ARHGAP12: variants seen among roughly 807,000 people sequenced by gnomAD.
The protein encoded by ARHGAP12 is rho GTPase-activating protein 12.
ARHGAP12 carries 64 observed loss-of-function variants against 108.6 expected under a neutral mutation model. The observed-to-expected ratio is 0.59, with a 90% CI of 0.48 to 0.73. ARHGAP12 has a LOEUF of 0.73. Ranked by LOEUF, ARHGAP12 falls within the 30% of genes least tolerant of loss-of-function variation. The probability of loss-of-function intolerance (pLI) is 0.00; values close to 1 mark genes in which losing one functional copy is unlikely to be tolerated. For synonymous variants in ARHGAP12, 312 were observed against 337.2 expected, an observed-to-expected ratio of 0.93 and a Z score of 0.82; for missense variants, 940 against 1,005.9, an observed-to-expected ratio of 0.93 and a Z score of 0.89.
Position 31,837,723 on chromosome 10 carries a change from G to GA in ARHGAP12, c.1386+1581dup, listed in dbSNP as rs895972102. ...GCACTAGGGAATGGAGAAAGAGTTA[G>GA]AAAAATGAAACAGTATCTGTGAAAA... On this transcript the variant is annotated intron_variant, in intron 9 of 19. Transcript: ENST00000344936. Among the ~76,000 whole-genome samples the GA allele has an allele frequency of 7.6e-4, 116 of 152,252 alleles. 1 individual carries two copies. The highest frequency in any genetic ancestry group is 2.7e-3 in the African/African-American group (111 of 41,548).
chr10:31,821,194 G>A (rs551773223), intron 11 of ARHGAP12, among the ~76,000 whole-genome samples: 240 of 152,234 alleles, frequency 1.6e-3, no homozygotes, highest in African/African-American at 5.6e-3. Context: ...AGAGACAGAT[G>A]CTATAAAGCA....
chr10:31,907,627 T>C (rs1839188477), intron 3 of ARHGAP12, among the ~76,000 whole-genome samples: 1 of 136,592 alleles, frequency 7.3e-6, no homozygotes, highest in Non-Finnish European at 1.6e-5. Flanking sequence ...GAGCAAGACC[T>C]TGTCTTAAAA....
chr10:31,906,100 AAAC>A (rs774873213), intron 3 of ARHGAP12, among the ~76,000 whole-genome samples: 4 of 152,130 alleles, frequency 2.6e-5, no homozygotes, highest in Non-Finnish European at 4.4e-5. Flanking sequence ...AGAAAACTAG[AAAC>A]AACACACAAG....
At chr10:31,821,294 T>C (rs750871954) in intron 11 of ARHGAP12, among the ~76,000 whole-genome samples, 1 of 152,140 alleles carries the variant, frequency 6.6e-6, no homozygotes, top group African/African-American at 2.4e-5. Context: ...TATATTTTGT[T>C]AACTAGATAA....
chr10:31,810,557 C>T, intron 16 of ARHGAP12, 92 bp downstream of exon 16: 2 of 882,530 alleles, frequency 2.3e-6, no homozygotes, highest in Admixed American at 2.6e-5. Context: ...GTTTGCATCA[C>T]TCAAAATCAT....
At chr10:31,865,270 T>TACAG (rs1564398582) in intron 3 of ARHGAP12, among the ~76,000 whole-genome samples, 1 of 152,140 alleles carries the variant, frequency 6.6e-6, no homozygotes. Flanking sequence ...GGTACAGTAG[T>TACAG]ACAGACAGAA....
chr10:31,900,427 A>G (rs1430855608), intron 3 of ARHGAP12, among the ~76,000 whole-genome samples: 1 of 152,206 alleles, frequency 6.6e-6, no homozygotes, highest in South Asian at 2.1e-4. Context: ...TTTTATTAAT[A>G]ACCAACAAAA....
intron 3 of ARHGAP12, among the ~76,000 whole-genome samples, chr10:31,868,628 G>A (rs973128626): frequency 3.9e-5 from 6 of 152,106 alleles, no homozygotes; most frequent in African/African-American, 1.4e-4. Context: ...TAGTGGCTGG[G>A]GGTTAGTCAA....
chr10:31,859,276 C>T (rs1312436252), intron 4 of ARHGAP12, among the ~76,000 whole-genome samples: 3 of 152,172 alleles, frequency 2.0e-5, no homozygotes, highest in Non-Finnish European at 2.9e-5. Context: ...CTAAAGACAT[C>T]TGTGGACATT....
intron 4 of ARHGAP12, among the ~76,000 whole-genome samples, chr10:31,856,506 T>C (rs994227581): frequency 2.6e-5 from 4 of 152,088 alleles, no homozygotes; most frequent in Admixed American, 1.3e-4. Flanking sequence ...TCATAGAAAT[T>C]TACCCCAATA....
At chr10:31,874,409 T>G (rs1016624901) in intron 3 of ARHGAP12, among the ~76,000 whole-genome samples, 1 of 152,212 alleles carries the variant, frequency 6.6e-6, no homozygotes, top group African/African-American at 2.4e-5. Context: ...CTGTACCAAT[T>G]CATTAACAAG....
At chr10:31,831,395 G>A (rs566095268) in intron 10 of ARHGAP12, among the ~76,000 whole-genome samples, 1 of 152,256 alleles carries the variant, frequency 6.6e-6, no homozygotes, top group African/African-American at 2.4e-5. Context: ...CCTCTGGGGA[G>A]GGGAAGTAAT....
In ARHGAP12 at chr10:31,891,994, C is replaced by T. The variant is rs1393257160; in HGVS notation, c.684+16178G>A. 3.9e-5 allele frequency among the ~76,000 whole-genome samples: 6 copies of T among 152,110 alleles called. No homozygotes were observed. In the East Asian group the frequency reaches 1.2e-3, roughly 29 times the overall value. ...GTTAGCCATTCGTCTAATCTTTTTT[C>T]AAGGTTTTTAATCTCTTTGCAATGG... On this transcript the variant is annotated intron_variant, in intron 3 of 19. Transcript: ENST00000344936.
At chr10:31,912,593 C>A (rs1839399069) in intron 1 of ARHGAP12, among the ~76,000 whole-genome samples, 1 of 152,088 alleles carries the variant, frequency 6.6e-6, no homozygotes, top group Admixed American at 6.5e-5. Flanking sequence ...TAGTTAAAGG[C>A]AATGAGAAGT....
chr10:31,895,469 C>T (rs1341498856), intron 3 of ARHGAP12, among the ~76,000 whole-genome samples: 1 of 152,194 alleles, frequency 6.6e-6, no homozygotes, highest in East Asian at 1.9e-4. Flanking sequence ...GACATTTATG[C>T]AGCCAACAGA....
intron 3 of ARHGAP12, among the ~76,000 whole-genome samples, chr10:31,887,903 C>T (rs1043805326): frequency 6.6e-6 from 1 of 152,032 alleles, no homozygotes; most frequent in South Asian, 2.1e-4. Flanking sequence ...ATGATCCGCC[C>T]GCCTCAGCCT....
Position 31,920,449 on chromosome 10 carries a change from C to CAAAAAAAAAAAAA in ARHGAP12, c.-111+8221_-111+8233dup, listed in dbSNP as rs71027040. ...TAGGCGACAGAGTGAGACTCCGTCT[C>CAAAAAAAAAAAAA]AAAAAAAAAAAAAAAAAAAAAAGAA... is the stretch of plus-strand genomic sequence containing the variant. On this transcript the variant is annotated intron_variant, in intron 1 of 19. Coordinates refer to ENST00000344936, the MANE Select transcript of ARHGAP12 (RefSeq NM_018287.7). Among the ~76,000 whole-genome samples, 116 of 59,598 alleles carry CAAAAAAAAAAAAA rather than the reference C, an allele frequency of 1.9e-3. 5 individuals carry two copies. Among genetic ancestry groups the CAAAAAAAAAAAAA allele is most frequent in the African/African-American group, 8.2e-3 (110 of 13,468 alleles). 39.1% of individuals were successfully genotyped at this position (59,598 alleles called of 152,430 possible).
rs193239741 is a variant in ARHGAP12, at chr10:31,839,612, T to C, written c.1371+25A>G. 1.8e-5 allele frequency: 28 copies of C among 1,560,264 alleles called. No homozygotes were observed. The East Asian group carries it at 5.9e-4, about 33-fold the overall frequency. On this transcript the variant is annotated intron_variant, in intron 8 of 19. Coordinates refer to ENST00000344936, the MANE Select transcript of ARHGAP12 (RefSeq NM_018287.7). Reference sequence around the variant, plus strand: ...TGATTGAAATAACTGGACTACATTATAAGATATGCTTCTATCATACTAACT... The same window carrying C: ...TGATTGAAATAACTGGACTACATTACAAGATATGCTTCTATCATACTAACT...
chr10:31,869,852 T>C (rs752597953), intron 3 of ARHGAP12, among the ~76,000 whole-genome samples: 14 of 152,232 alleles, frequency 9.2e-5, no homozygotes, highest in Non-Finnish European at 1.5e-4. Context: ...TGTCCTCTTT[T>C]TACTTTTGAC....
Sources: gnomAD v4.1 joint callset for allele counts (sites outside exome capture counted in the v4.1 genomes callset) on GRCh38, gnomAD v4.1.1 for gene constraint, MANE v1.5 for transcripts, NCBI Gene and HGNC (gene_info 2026-07-23, HGNC 2026-07-21) for gene names.